RGS12: variants seen among roughly 807,000 people sequenced by gnomAD.
The protein encoded by RGS12 is regulator of G protein signaling 12, also known as regulator of G-protein signaling 12.
Under a neutral mutation model 120.1 loss-of-function variants are expected in RGS12, and 66 were observed. The observed-to-expected ratio is 0.55, with a 90% CI of 0.45 to 0.67. The LOEUF (loss-of-function observed/expected upper bound fraction) is 0.67, where lower values mean the gene tolerates loss of function less well. Among genes scored for constraint, RGS12 ranks in the 30% least tolerant of loss-of-function variants. The pLI is 0.00. For missense variants in RGS12, 1,859 were observed against 1,957.7 expected (o/e 0.95, Z 0.95); for synonymous variants, 827 against 804.7 (o/e 1.03, Z -0.47).
chr4:3,397,079 G>A (rs903340445), intron 4 of RGS12, among the ~76,000 whole-genome samples: 1 of 152,164 alleles, frequency 6.6e-6, no homozygotes, highest in Non-Finnish European at 1.5e-5. Flanking sequence ...ACCTCTATAA[G>A]TATCTAACAC....
At chr4:3,370,331 T>A in intron 3 of RGS12, 1 of 1,613,462 alleles carries the variant, frequency 6.2e-7, no homozygotes, top group South Asian at 1.1e-5. Context: ...GGTAAGTAGT[T>A]CCGGCTTTTT....
At chr4:3,416,251 G>A (rs905325321) in intron 7 of RGS12, 130 bp downstream of exon 7, 3 of 1,078,398 alleles carry the variant, frequency 2.8e-6, no homozygotes, top group Admixed American at 2.8e-5. Flanking sequence ...GTAGAGAAAC[G>A]CAGACAGAAA....
intron 4 of RGS12, among the ~76,000 whole-genome samples, chr4:3,406,974 T>A (rs1296117184): frequency 6.6e-6 from 1 of 152,244 alleles, no homozygotes; most frequent in Non-Finnish European, 1.5e-5. Flanking sequence ...GCTGTTTGAG[T>A]GATCACCTGC....
In RGS12 at chr4:3,316,675, A is replaced by C; in HGVS notation, c.505A>C (p.Arg169=). 1 of 1,614,140 alleles carries C rather than the reference A, an allele frequency of 6.2e-7. No homozygotes were observed. The highest frequency in any genetic ancestry group is 1.1e-5 in the South Asian group (1 of 91,088). ...SNSEPLKLKQ[R]SLSESAATRF... The stretch of plus-strand genomic sequence containing the variant: ...TTCAGAGCCCTTGAAATTGAAACAA[A>C]GATCCCTTTCAGAGTCGGCCGCAAC... The change falls in exon 2 of 18, where the codon AGA becomes CGA. Residue 169 remains arginine (R), a synonymous_variant. Transcript: ENST00000336727.
At chr4:3,370,117 A>G (rs1452406855) in intron 3 of RGS12, 2 of 1,398,564 alleles carry the variant, frequency 1.4e-6, no homozygotes, top group African/African-American at 1.4e-5. Context: ...GGCAAGCCAC[A>G]GCTTCCTGCA....
intron 2 of RGS12, among the ~76,000 whole-genome samples, chr4:3,338,731 G>A (rs1712754544): frequency 6.6e-6 from 1 of 152,156 alleles, no homozygotes; most frequent in South Asian, 2.1e-4. Context: ...TGGTGCCCTG[G>A]GGGCCACCTG....
chr4:3,362,631 ATG>A (rs1288989278), intron 3 of RGS12, among the ~76,000 whole-genome samples: 18 of 113,556 alleles, frequency 1.6e-4, no homozygotes, highest in South Asian at 3.2e-4. Flanking sequence ...GTGTGTGTGA[ATG>A]TGAGAGTGAG....
chr4:3,323,424 C>G (rs1725339121), intron 2 of RGS12, among the ~76,000 whole-genome samples: 2 of 152,396 alleles, frequency 1.3e-5, no homozygotes, highest in South Asian at 2.1e-4. Context: ...AGTTCGCTTC[C>G]TTTCATGGAC....
At chr4:3,356,474 C>T (rs1342314606) in intron 3 of RGS12, among the ~76,000 whole-genome samples, 1 of 152,068 alleles carries the variant, frequency 6.6e-6, no homozygotes, top group Non-Finnish European at 1.5e-5. Context: ...CACCACCATC[C>T]ATCTCTAGAA....
chr4:3,361,200 ACAGG>A (rs1222767822), intron 3 of RGS12, among the ~76,000 whole-genome samples: 2 of 152,184 alleles, frequency 1.3e-5, no homozygotes, highest in Non-Finnish European at 2.9e-5. Context: ...AAATCTGGAA[ACAGG>A]CAAGACTGTT....
At chr4:3,353,469 G>T (rs142166739) in intron 3 of RGS12, among the ~76,000 whole-genome samples, 1 of 152,302 alleles carries the variant, frequency 6.6e-6, no homozygotes, top group African/African-American at 2.4e-5. Context: ...TGTAGGACCG[G>T]ACTGGTATGA....
rs1719419156 is a variant in RGS12, at chr4:3,390,818, G to C, written c.2020+4381G>C. Among the ~76,000 whole-genome samples, 2 of 152,250 alleles carry C rather than the reference G, an allele frequency of 1.3e-5. No individual in the cohort carries two copies. The highest frequency in any genetic ancestry group is 4.1e-4 in the South Asian group (2 of 4,836). On this transcript the variant is annotated intron_variant, in intron 4 of 17. Coordinates refer to ENST00000336727, the MANE Select transcript of RGS12 (RefSeq NM_001394154.1). The surrounding 1 kb of genome is among the most constrained non-coding windows in gnomAD (Gnocchi z 4.6). ...TGTCACAAACGGCTGCCTGATGGGG[G>C]AGGGTTACCGTAATTGCCGGATTAA...
intron 4 of RGS12, among the ~76,000 whole-genome samples, chr4:3,401,385 G>A (rs1720563717): frequency 6.6e-6 from 1 of 152,108 alleles, no homozygotes; most frequent in Admixed American, 6.5e-5. Context: ...CTGTTACTTG[G>A]GACAAGCAAT....
intron 17 of RGS12, among the ~76,000 whole-genome samples, chr4:3,432,554 G>T (rs750391501): frequency 2.0e-5 from 3 of 151,688 alleles, no homozygotes; most frequent in African/African-American, 4.9e-5. Context: ...AGACCCACGT[G>T]GGGGGTCAGT....
chr4:3,430,757 G>A lies in RGS12; in HGVS notation c.3916G>A (p.Val1306Ile), dbSNP rs765600164. The change falls in exon 17 of 18, where the codon GTC (valine) becomes ATC (isoleucine). Residue 1306 changes from valine (V) to isoleucine (I), a missense_variant. Physicochemically the swap from Val to Ile is conservative, Grantham distance 29. Around this residue, in one of 3 missense-constraint regions of RGS12, gnomAD observed 517 missense variants for 488.5 expected, o/e 1.06. Transcript: ENST00000336727. The part of the protein sequence containing the change: ...SGPFCTPQSP[V>I]SLAQEGTAQI... ...GCCCTTCTGCACTCCCCAGTCCCCCGTCTCCCTCGCGCAGGAGGGCACCGC... is the reference window on the plus strand; with the variant it reads ...GCCCTTCTGCACTCCCCAGTCCCCCATCTCCCTCGCGCAGGAGGGCACCGC... 36 of 1,608,288 alleles carry A rather than the reference G, an allele frequency of 2.2e-5. No homozygotes were observed. The highest frequency in any genetic ancestry group is 6.7e-5 in the Admixed American group (4 of 59,714).
chr4:3,291,580 C>T (rs1255700131), upstream of RGS12, among the ~76,000 whole-genome samples: 1 of 152,156 alleles, frequency 6.6e-6, no homozygotes, highest in Non-Finnish European at 1.5e-5. Context: ...CTCCTGAGCT[C>T]CGGCGATCTG....
At chr4:3,378,555 CA>C (rs1191268901) in intron 3 of RGS12, 4 of 152,160 alleles carry the variant, frequency 2.6e-5, no homozygotes, top group African/African-American at 9.7e-5. Flanking sequence ...GGAACTCATA[CA>C]ACTCAGTGGC....
Position 3,374,457 on chromosome 4 carries a change from C to T in RGS12, c.1999-11959C>T, listed in dbSNP as rs1717412924. Among the ~76,000 whole-genome samples, 6 of 152,280 alleles carry T rather than the reference C, an allele frequency of 3.9e-5. No homozygotes were observed. In the South Asian group the frequency reaches 1.2e-3, roughly 32 times the overall value. On this transcript the variant is annotated intron_variant, in intron 3 of 17. Transcript: ENST00000336727. The surrounding 1 kb of genome is among the most constrained non-coding windows in gnomAD (Gnocchi z 6.3). Reference sequence around the variant, plus strand: ...CAGCCTGGCCCTGCAGCAGACACTTCTGCCCTGGGCCCCGGTCTCAGTGAC... The same window carrying T: ...CAGCCTGGCCCTGCAGCAGACACTTTTGCCCTGGGCCCCGGTCTCAGTGAC...
intron 13 of RGS12, among the ~76,000 whole-genome samples, chr4:3,424,422 C>G (rs1723379068): frequency 6.6e-6 from 1 of 152,248 alleles, no homozygotes; most frequent in Non-Finnish European, 1.5e-5. Context: ...AGCCTCTTCC[C>G]CGCGCTGCAG....
Sources: allele counts gnomAD v4.1 joint callset (sites outside exome capture counted in the v4.1 genomes callset), GRCh38; gene constraint gnomAD v4.1.1; regional missense constraint gnomAD v4.1.1; non-coding constraint Gnocchi (gnomAD v3.1); transcripts MANE v1.5; gene names NCBI Gene and HGNC (gene_info 2026-07-23, HGNC 2026-07-21).